Variants in SGCZ observed in about 807,000 individuals in gnomAD.
SGCZ encodes sarcoglycan zeta.
Under a neutral mutation model 41.3 loss-of-function variants are expected in SGCZ, and 40 were observed. The observed-to-expected ratio is 0.97, with a 90% confidence interval of 0.75 to 1.26. The LOEUF (loss-of-function observed/expected upper bound fraction) is 1.26, where lower values mean the gene tolerates loss of function less well. SGCZ is among the 50% of genes most tolerant of loss of function. The pLI is 0.00. For synonymous variants in SGCZ, 206 were observed against 137.5 expected (o/e 1.50, Z -3.49); for missense variants, 552 against 369.8 (o/e 1.49, Z -4.04).
In SGCZ at chr8:15,237,988, C is replaced by T; in HGVS notation, c.-365G>A. ...TAGAACCCAGCGAATTGCTGCATCC[C>T]GAGAAAAAAAGCTGCTTCCCTGGTC... On this transcript the variant is annotated 5_prime_UTR_variant, in exon 1 of 8. Transcript: ENST00000382080. 1 of 182,158 alleles carries T rather than the reference C, an allele frequency of 5.5e-6. No individual in the cohort carries two copies. 11.3% of individuals were successfully genotyped at this position (182,158 alleles called of 1,614,324 possible).
At chr8:14,497,318 C>CAG (rs1802017719) in intron 2 of SGCZ, among the ~76,000 whole-genome samples, 1 of 152,048 alleles carries the variant, frequency 6.6e-6, no homozygotes. Flanking sequence ...GTCTCATGGT[C>CAG]AGAGAGGGAG....
chr8:15,131,199 G>T (rs1156686940), intron 1 of SGCZ, among the ~76,000 whole-genome samples: 1 of 152,170 alleles, frequency 6.6e-6, no homozygotes, highest in Non-Finnish European at 1.5e-5. Context: ...AATTGTAGCT[G>T]CCAGGATTCT....
chr8:14,621,246 T>A (rs1242300532), intron 1 of SGCZ, among the ~76,000 whole-genome samples: 2 of 131,732 alleles, frequency 1.5e-5, no homozygotes. Context: ...ATGAGAACAC[T>A]TGGACACAGG....
chr8:14,301,506 G>T (rs566360858), intron 3 of SGCZ, among the ~76,000 whole-genome samples: 1 of 151,964 alleles, frequency 6.6e-6, no homozygotes, highest in East Asian at 1.9e-4. Flanking sequence ...CAAATTTCAC[G>T]GCAGTCTTTT....
chr8:14,768,681 C>G (rs1164654823), intron 1 of SGCZ, among the ~76,000 whole-genome samples: 1 of 152,096 alleles, frequency 6.6e-6, no homozygotes, highest in Non-Finnish European at 1.5e-5. Flanking sequence ...CTCCTCACTT[C>G]AAGAGATGCG....
chr8:14,291,837 A>T (rs901296923), intron 3 of SGCZ, among the ~76,000 whole-genome samples: 51 of 151,930 alleles, frequency 3.4e-4, no homozygotes, highest in African/African-American at 9.9e-4. Flanking sequence ...ATGAAAATTC[A>T]AGTCAACTCT....
At chr8:14,864,854 T>C (rs1427089337) in intron 1 of SGCZ, among the ~76,000 whole-genome samples, 1 of 152,136 alleles carries the variant, frequency 6.6e-6, no homozygotes, top group Non-Finnish European at 1.5e-5. Flanking sequence ...GTCTTTTTCA[T>C]ATAGCTATTC....
intron 1 of SGCZ, among the ~76,000 whole-genome samples, chr8:15,208,257 T>C (rs1482426569): frequency 6.6e-6 from 1 of 152,194 alleles, no homozygotes; most frequent in Non-Finnish European, 1.5e-5. Context: ...AGGCTAGTGA[T>C]GCCATTGATT....
intron 2 of SGCZ, among the ~76,000 whole-genome samples, chr8:14,421,679 T>C (rs1269666510): frequency 6.6e-6 from 1 of 152,138 alleles, no homozygotes; most frequent in East Asian, 1.9e-4. Context: ...AAAATTAAGA[T>C]GTAAGCACAA....
At chr8:14,294,193 G>T (rs749127776) in intron 3 of SGCZ, among the ~76,000 whole-genome samples, 1 of 151,680 alleles carries the variant, frequency 6.6e-6, no homozygotes, top group African/African-American at 2.4e-5. Flanking sequence ...CACTTATTTG[G>T]AAGTTTTTTA....
rs893547878 is a variant in SGCZ at position 14,264,573 on chromosome 8, T to G, written c.337-26894A>C. On this transcript the variant is annotated intron_variant, in intron 3 of 7. Coordinates refer to ENST00000382080, the MANE Select transcript of SGCZ (RefSeq NM_139167.4). ...TGCAGACTAGTAACAAAAATGGGCT[T>G]AGAGCATTATCTGGCGATGATACAG... 3.3e-5 allele frequency among the ~76,000 whole-genome samples: 5 copies of G among 152,094 alleles called. No homozygotes were observed. In the East Asian group the frequency reaches 9.6e-4, roughly 29 times the overall value.
At chr8:15,229,161 C>T (rs1315134923) in intron 1 of SGCZ, among the ~76,000 whole-genome samples, 2 of 152,022 alleles carry the variant, frequency 1.3e-5, no homozygotes, top group African/African-American at 2.4e-5. Flanking sequence ...CACTATACTC[C>T]AGCCTGGACA....
Position 14,467,225 on chromosome 8 carries a change from G to A in SGCZ, c.234+87507C>T, listed in dbSNP as rs913166694. Among the ~76,000 whole-genome samples the A allele has an allele frequency of 4.6e-5, 7 of 151,988 alleles. 1 individual carries two copies. Among genetic ancestry groups the A allele is most frequent in the Admixed American group, 4.6e-4 (7 of 15,212 alleles). ...TCCCATATTTGAGGTTGCTTCTGAA[G>A]ATGCTAGTCTTTAATACCTGGATTC... is the stretch of plus-strand genomic sequence containing the variant. On this transcript the variant is annotated intron_variant, in intron 2 of 7. Coordinates refer to ENST00000382080, the MANE Select transcript of SGCZ (RefSeq NM_139167.4).
At chr8:14,210,457 C>T (rs1805766728) in intron 4 of SGCZ, among the ~76,000 whole-genome samples, 1 of 111,566 alleles carries the variant, frequency 9.0e-6, no homozygotes, top group Non-Finnish European at 1.7e-5. Flanking sequence ...TAGTATTATG[C>T]AACTTGAACT....
chr8:14,369,440 G>A (rs1384307327), intron 2 of SGCZ, among the ~76,000 whole-genome samples: 1 of 152,036 alleles, frequency 6.6e-6, no homozygotes, highest in East Asian at 1.9e-4. Context: ...AATTCAGACT[G>A]TGCCCTTCCC....
At chr8:14,766,258 C>G in intron 1 of SGCZ, among the ~76,000 whole-genome samples, 1 of 151,650 alleles carries the variant, frequency 6.6e-6, no homozygotes. Context: ...TGGCCCCCAG[C>G]CAGATAGGCA....
chr8:15,210,407 A>G (rs1205601660), intron 1 of SGCZ, among the ~76,000 whole-genome samples: 1 of 152,074 alleles, frequency 6.6e-6, no homozygotes, highest in Non-Finnish European at 1.5e-5. Flanking sequence ...AGTTTCCGTA[A>G]TACTGTTCCT....
At chr8:14,573,878 T>C (rs1441406063) in intron 1 of SGCZ, among the ~76,000 whole-genome samples, 2 of 152,018 alleles carry the variant, frequency 1.3e-5, no homozygotes. Flanking sequence ...AAAAATAAAA[T>C]GGCCTAACTC....
chr8:15,123,717 T>C (rs1332929452), intron 1 of SGCZ, among the ~76,000 whole-genome samples: 1 of 152,192 alleles, frequency 6.6e-6, no homozygotes, highest in Non-Finnish European at 1.5e-5. Context: ...ACAAGGCACC[T>C]ACCCTTATAC....
Sources: allele counts gnomAD v4.1 joint callset (sites outside exome capture counted in the v4.1 genomes callset), GRCh38; gene constraint gnomAD v4.1.1; transcripts MANE v1.5; gene names NCBI Gene and HGNC (gene_info 2026-07-23, HGNC 2026-07-21).